Variants in RAB11FIP1 observed in about 807,000 individuals in gnomAD.
RAB11FIP1 encodes rab11 family-interacting protein 1.
RAB11FIP1 carries 49 observed loss-of-function variants against 83.1 expected under a neutral mutation model. The ratio of observed to expected loss-of-function variants is 0.59; its 90% CI spans 0.47 to 0.75. RAB11FIP1 has a LOEUF of 0.75. Ranked by LOEUF, RAB11FIP1 falls within the 30% of genes least tolerant of loss-of-function variation. RAB11FIP1 has a pLI of 0.00. For synonymous variants in RAB11FIP1, 670 were observed against 656.0 expected (o/e 1.02, Z -0.33); for missense variants, 1,536 against 1,598.7 (o/e 0.96, Z 0.67).
chr8:37,897,242 C>T (rs1807106976), intron 1 of RAB11FIP1, among the ~76,000 whole-genome samples: 1 of 151,564 alleles, frequency 6.6e-6, no homozygotes, highest in Admixed American at 6.6e-5. Context: ...TCAAATATTC[C>T]ATTTGCAAGC....
At chr8:37,886,429 C>T (rs1289598582) in intron 1 of RAB11FIP1, among the ~76,000 whole-genome samples, 1 of 152,170 alleles carries the variant, frequency 6.6e-6, no homozygotes, top group Non-Finnish European at 1.5e-5. Context: ...ATACTGCATC[C>T]CCGTATTAAA....
chr8:37,866,695 T>C (rs762598219), intron 5 of RAB11FIP1, among the ~76,000 whole-genome samples: 11 of 151,250 alleles, frequency 7.3e-5, no homozygotes, highest in Non-Finnish European at 1.3e-4. Context: ...AAAAAAACAC[T>C]GTAGTAATGA....
chr8:37,873,331 G>C, intron 3 of RAB11FIP1, 152 bp from the exon 4 acceptor site: 2 of 841,302 alleles, frequency 2.4e-6, no homozygotes, highest in South Asian at 1.9e-5. Context: ...CTAGCCGGGC[G>C]CGGTGGCTCA....
At position 37,875,260 on chromosome 8, in the gene RAB11FIP1, G is replaced by T; in HGVS notation, c.877C>A (p.Leu293Ile). ...LKQLNQVNFT[L>I]PKKEGLSFLG... ...AAGGAAAGTCCTTCCTTCTTGGGAA[G>T]GGTAAAGTTGACCTGGTTCAGTTGC... Residue 293 changes from leucine (L) to isoleucine (I), a missense_variant, in exon 3 of 6, where the codon CTT (leucine) becomes ATT (isoleucine). Transcript: ENST00000330843. 2 of 1,614,030 alleles carry T rather than the reference G, an allele frequency of 1.2e-6. No homozygotes were observed. The highest frequency in any genetic ancestry group is 1.7e-6 in the Non-Finnish European group (2 of 1,179,956).
Position 37,859,138 on chromosome 8 carries a change from T to C in RAB11FIP1, c.*3757A>G, listed in dbSNP as rs1158965109. On this transcript the variant is annotated 3_prime_UTR_variant, in exon 6 of 6. Coordinates refer to ENST00000330843, the MANE Select transcript of RAB11FIP1 (RefSeq NM_001002814.3). ...AGTTAAGTAGCTCACACAGTAGATA[T>C]GGAGACACCATATGGAGATACGGAG... 6.6e-6 allele frequency: 1 copy of C among 151,974 alleles called. No individual in the cohort carries two copies. The highest frequency in any genetic ancestry group is 2.4e-5 in the African/African-American group (1 of 41,212). 9.4% of individuals were successfully genotyped at this position (151,974 alleles called of 1,614,324 possible).
rs761695183 is a variant in RAB11FIP1 at position 37,872,121 on chromosome 8, A to G, written c.2681T>C (p.Phe894Ser). ...TGCTTCACTCATGGGGACTTCGGAG[A>G]AACTCTCCTCCTGGGAGGGGAGGAG... is the stretch of plus-strand genomic sequence containing the variant. ...HLLLPSQEES[F>S]SEVPMSEASS... is the part of the protein sequence containing the mutation. The change falls in exon 4 of 6, where the codon TTC becomes TCC. Residue 894 changes from phenylalanine to serine, a missense_variant. Coordinates refer to ENST00000330843, the MANE Select transcript of RAB11FIP1 (RefSeq NM_001002814.3). The G allele has an allele frequency of 3.7e-6, 6 of 1,613,184 alleles. No individual in the cohort carries two copies. In the Admixed American group the frequency reaches 1.0e-4, roughly 27 times the overall value.
rs775661947 is a variant in RAB11FIP1 at position 37,875,072 on chromosome 8, G to A, written c.1065C>T (p.Phe355=). The change falls in exon 3 of 6, where the codon TTC becomes TTT. Residue 355 remains phenylalanine, a synonymous_variant. Transcript: ENST00000330843. ...SPKGFRKKHL[F]SSTENLAAGS... Reference sequence around the variant, plus strand: ...CAGCCGCCAGGTTCTCTGTAGAAGAGAACAAATGCTTCTTTCTGAAGCCCT... The same window carrying A: ...CAGCCGCCAGGTTCTCTGTAGAAGAAAACAAATGCTTCTTTCTGAAGCCCT... 11 of 1,614,214 alleles carry A rather than the reference G, an allele frequency of 6.8e-6. No homozygotes were observed. The highest frequency in any genetic ancestry group is 1.7e-4 in the Middle Eastern group (1 of 6,060).
intron 1 of RAB11FIP1, among the ~76,000 whole-genome samples, chr8:37,878,469 C>T (rs992199756): frequency 6.4e-5 from 9 of 139,662 alleles, no homozygotes; most frequent in Admixed American, 6.3e-4. Context: ...AGGAGGCAGA[C>T]GTTGCAGTGA....
In RAB11FIP1 at chr8:37,873,204, T is replaced by G. The variant is rs756404746; in HGVS notation, c.1623-25A>C. Reference sequence around the variant, plus strand: ...TCTGCAAAAAGGACAAAATAAAATCTGCAGGTCAGTGCAGATGCATCACGA... The same window carrying G: ...TCTGCAAAAAGGACAAAATAAAATCGGCAGGTCAGTGCAGATGCATCACGA... On this transcript the variant is annotated intron_variant, in intron 3 of 5. Coordinates refer to ENST00000330843, the MANE Select transcript of RAB11FIP1 (RefSeq NM_001002814.3). 1.9e-6 allele frequency: 3 copies of G among 1,545,672 alleles called. 1 individual carries two copies. In the South Asian group the frequency reaches 3.7e-5, roughly 19 times the overall value.
intron 1 of RAB11FIP1, among the ~76,000 whole-genome samples, chr8:37,892,515 C>T (rs1268277635): frequency 2.6e-5 from 4 of 151,544 alleles, no homozygotes; most frequent in African/African-American, 9.7e-5. Context: ...AGTGCAATGG[C>T]GCAGTCTCAG....
At chr8:37,883,123 G>A (rs562271641) in intron 1 of RAB11FIP1, among the ~76,000 whole-genome samples, 4 of 151,724 alleles carry the variant, frequency 2.6e-5, no homozygotes, top group South Asian at 2.1e-4. Context: ...TGTGCTCCAT[G>A]TATTAAAGCT....
rs755528986 is a variant in RAB11FIP1 at position 37,877,120 on chromosome 8, G to A, written c.803C>T (p.Ser268Leu). 45 of 1,610,588 alleles carry A rather than the reference G, an allele frequency of 2.8e-5. No individual in the cohort carries two copies. The highest frequency in any genetic ancestry group is 1.6e-4 in the Middle Eastern group (1 of 6,076). Residue 268 changes from serine to leucine, a missense_variant, in exon 2 of 6, where the codon TCG (serine) becomes TTG (leucine). Transcript: ENST00000330843. ...AGGCAGAAACTCACCATCCGAGGCCGAGGAGGACTCATCCTCATTGTCATC... is the reference window on the plus strand; with the variant it reads ...AGGCAGAAACTCACCATCCGAGGCCAAGGAGGACTCATCCTCATTGTCATC... ...DEDDNEDESS[S>L]ASDVMSHKRT...
At chr8:37,865,133 G>C (rs916664732) in intron 5 of RAB11FIP1, among the ~76,000 whole-genome samples, 1 of 151,032 alleles carries the variant, frequency 6.6e-6, no homozygotes, top group Non-Finnish European at 1.5e-5. Context: ...CGTCCTCAAG[G>C]GATTTTAGAT....
Position 37,871,902 on chromosome 8 carries a change from G to A in RAB11FIP1, c.2900C>T (p.Ser967Leu), listed in dbSNP as rs560008452. ...AACCTGATCTATTCTTTCATCATCC[G>A]ATGCGACTTCAGGAATGGAAGGAAG... ...LSLPSIPEVASDDERIDQVED... is the reference protein window; with the variant it reads ...LSLPSIPEVALDDERIDQVED... The change falls in exon 4 of 6, where the codon TCG becomes TTG. Residue 967 changes from serine (S) to leucine (L), a missense_variant. Coordinates refer to ENST00000330843, the MANE Select transcript of RAB11FIP1 (RefSeq NM_001002814.3). 1.4e-5 allele frequency: 22 copies of A among 1,614,100 alleles called. No individual in the cohort carries two copies. The highest frequency in any genetic ancestry group is 4.5e-5 in the East Asian group (2 of 44,884).
chr8:37,863,284 C>G (rs900254281), intron 5 of RAB11FIP1, among the ~76,000 whole-genome samples, 171 bp from the exon 6 acceptor site: 2 of 151,518 alleles, frequency 1.3e-5, no homozygotes, highest in African/African-American at 4.9e-5. Flanking sequence ...TTCACTCTGT[C>G]ACCCAGCCTG....
chr8:37,895,259 ATTTTTTTTTTTTTTTT>A (rs71216637), intron 1 of RAB11FIP1, among the ~76,000 whole-genome samples: 5 of 7,386 alleles, frequency 6.8e-4, no homozygotes, highest in Non-Finnish European at 8.5e-4. Flanking sequence ...ATATATATAT[ATTTTTTTTTTTTTTTT>A]TTTTTTTTTT....
Position 37,871,549 on chromosome 8 carries a change from G to A in RAB11FIP1, c.3253C>T (p.Pro1085Ser), listed in dbSNP as rs1806460771. Residue 1085 changes from proline to serine, a missense_variant, in exon 4 of 6, where the codon CCG (proline) becomes TCG (serine). By Grantham distance (74) the Pro-to-Ser change is moderately conservative. Transcript: ENST00000330843. ...EKPMGNGSPSPPPGTSLDNPV... is the reference protein window; with the variant it reads ...EKPMGNGSPSSPPGTSLDNPV... ...TTGTCCAGGGATGTGCCAGGAGGCGGGCTTGGACTCCCATTTCCCATCGGT... is the reference window on the plus strand; with the variant it reads ...TTGTCCAGGGATGTGCCAGGAGGCGAGCTTGGACTCCCATTTCCCATCGGT... 1 of 1,600,982 alleles carries A rather than the reference G, an allele frequency of 6.2e-7. No homozygotes were observed. Among genetic ancestry groups the A allele is most frequent in the Non-Finnish European group, 8.5e-7 (1 of 1,171,950 alleles).
chr8:37,895,397 C>T (rs1315555695), intron 1 of RAB11FIP1, among the ~76,000 whole-genome samples: 1 of 144,166 alleles, frequency 6.9e-6, no homozygotes, highest in East Asian at 2.1e-4. Flanking sequence ...AGGTAGGAAC[C>T]ACCATGTCTA....
At position 37,877,275 on chromosome 8, in the gene RAB11FIP1, C is replaced by T. The variant is rs769552528; in HGVS notation, c.648G>A (p.Lys216=). Residue 216 remains lysine (K), a synonymous_variant, in exon 2 of 6, where the codon AAG becomes AAA. Coordinates refer to ENST00000330843, the MANE Select transcript of RAB11FIP1 (RefSeq NM_001002814.3). ...TTGACTTGGAAAGTAAGGTCTTGAT[C>T]TTTGATTTCTTTTTCTTGTCTTTAA... The part of the protein sequence containing the change: ...SVVKDKKKKS[K]IKTLLSKSNL... The T allele has an allele frequency of 6.2e-7, 1 of 1,614,114 alleles. No individual in the cohort carries two copies. Among genetic ancestry groups the T allele is most frequent in the East Asian group, 2.2e-5 (1 of 44,872 alleles).
Sources: allele counts gnomAD v4.1 joint callset (sites outside exome capture counted in the v4.1 genomes callset), GRCh38; gene constraint gnomAD v4.1.1; transcripts MANE v1.5; gene names NCBI Gene and HGNC (gene_info 2026-07-23, HGNC 2026-07-21).